LHFPL3: variants seen among roughly 807,000 people sequenced by gnomAD.
LHFPL3 encodes LHFPL tetraspan subfamily member 3.
A neutral mutation model predicts 19.3 loss-of-function variants in LHFPL3; 5 were observed. The observed-to-expected ratio is 0.26, with a 90% CI of 0.14 to 0.54. The LOEUF (loss-of-function observed/expected upper bound fraction) is 0.54. Ranked by LOEUF, LHFPL3 falls within the 20% of genes least tolerant of loss-of-function variation. LHFPL3 has a pLI of 0.94. For synonymous variants in LHFPL3, 133 were observed against 126.2 expected, an observed-to-expected ratio of 1.05 and a Z score of -0.36; for missense variants, 249 against 307.4, an observed-to-expected ratio of 0.81 and a Z score of 1.42.
intron 2 of LHFPL3, among the ~76,000 whole-genome samples, chr7:104,798,025 T>TC (rs139516175): frequency 1.3e-5 from 2 of 150,758 alleles, no homozygotes; most frequent in Non-Finnish European, 3.0e-5. Context: ...GGGGTGGCAG[T>TC]GGGGGGGGCG....
intron 1 of LHFPL3, among the ~76,000 whole-genome samples, chr7:104,439,745 T>C (rs142781114): frequency 6.6e-6 from 1 of 152,128 alleles, no homozygotes; most frequent in African/African-American, 2.4e-5. Flanking sequence ...TAATATTTAA[T>C]GGTAAAAAAC....
At chr7:104,753,456 T>G (rs950913627) in intron 2 of LHFPL3, among the ~76,000 whole-genome samples, 5 of 152,214 alleles carry the variant, frequency 3.3e-5, no homozygotes, top group Non-Finnish European at 7.3e-5. Flanking sequence ...AAAAATGTTT[T>G]GAAAATATTT....
chr7:104,561,927 C>G (rs1489656894), intron 1 of LHFPL3, among the ~76,000 whole-genome samples: 2 of 152,012 alleles, frequency 1.3e-5, no homozygotes, highest in Admixed American at 1.3e-4. Flanking sequence ...GATTTTATTT[C>G]TCCTTCACTT....
chr7:104,492,378 T>A (rs552101381), intron 1 of LHFPL3, among the ~76,000 whole-genome samples: 107 of 152,286 alleles, frequency 7.0e-4, no homozygotes, highest in African/African-American at 2.5e-3. Flanking sequence ...TACTAAGTAG[T>A]TTTAGGGAAA....
At chr7:104,667,493 T>C (rs1792379315) in intron 1 of LHFPL3, among the ~76,000 whole-genome samples, 1 of 152,206 alleles carries the variant, frequency 6.6e-6, no homozygotes, top group Admixed American at 6.6e-5. Context: ...GCCTATAATT[T>C]AGATTAGCTG....
At chr7:104,521,149 C>A (rs527960215) in intron 1 of LHFPL3, among the ~76,000 whole-genome samples, 578 of 151,530 alleles carry the variant, frequency 3.8e-3, no homozygotes, top group African/African-American at 0.013. Context: ...TATGTTGTGT[C>A]TTTGTTCTCG....
chr7:104,666,929 G>A (rs1184063237), intron 1 of LHFPL3, among the ~76,000 whole-genome samples: 1 of 152,026 alleles, frequency 6.6e-6, no homozygotes, highest in African/African-American at 2.4e-5. Context: ...CATATCTGCT[G>A]TTGTGAACAG....
intron 1 of LHFPL3, among the ~76,000 whole-genome samples, chr7:104,430,686 T>C (rs1791986020): frequency 6.6e-6 from 1 of 150,878 alleles, no homozygotes; most frequent in South Asian, 2.1e-4. Flanking sequence ...GCCAGGATGG[T>C]CTCAATCTCC....
chr7:104,479,377 C>T lies in LHFPL3; in HGVS notation c.445+150153C>T, dbSNP rs187971766. ...TACTGTGAGATGTTGGGGAGACATACAAGGTGCTTCTTCCACTTCTTTTTT... is the reference window on the plus strand; with the variant it reads ...TACTGTGAGATGTTGGGGAGACATATAAGGTGCTTCTTCCACTTCTTTTTT... On this transcript the variant is annotated intron_variant, in intron 1 of 2. Transcript: ENST00000424859. Among the ~76,000 whole-genome samples, 315 of 146,352 alleles carry T rather than the reference C, an allele frequency of 2.2e-3. 1 individual carries two copies. The highest frequency in any genetic ancestry group is 7.5e-3 in the African/African-American group (302 of 40,302).
chr7:104,897,828 T>G (rs564217123), intron 2 of LHFPL3, among the ~76,000 whole-genome samples: 2 of 152,176 alleles, frequency 1.3e-5, no homozygotes, highest in South Asian at 2.1e-4. Context: ...CACAGATATA[T>G]CAATATACTT....
intron 1 of LHFPL3, among the ~76,000 whole-genome samples, chr7:104,455,919 G>A (rs1286843906): frequency 6.6e-6 from 1 of 151,522 alleles, no homozygotes. Flanking sequence ...TATTTTAAGT[G>A]TTTACAATGG....
At chr7:104,587,306 T>A (rs529839475) in intron 1 of LHFPL3, among the ~76,000 whole-genome samples, 1 of 152,220 alleles carries the variant, frequency 6.6e-6, no homozygotes, top group African/African-American at 2.4e-5. Context: ...TGTGTGATGT[T>A]CCCCACCCTG....
intron 2 of LHFPL3, among the ~76,000 whole-genome samples, chr7:104,769,621 C>A (rs1377809089): frequency 1.3e-5 from 2 of 151,754 alleles, no homozygotes; most frequent in African/African-American, 4.9e-5. Context: ...CCCCCCAACC[C>A]CCGACAGGCC....
chr7:104,820,865 A>G (rs576152263), intron 2 of LHFPL3, among the ~76,000 whole-genome samples: 199 of 152,172 alleles, frequency 1.3e-3, no homozygotes, highest in Non-Finnish European at 2.5e-3. Context: ...AAACGCCAAC[A>G]CAGTTAACGC....
At chr7:104,807,825 G>A (rs539721030) in intron 2 of LHFPL3, among the ~76,000 whole-genome samples, 12 of 152,302 alleles carry the variant, frequency 7.9e-5, no homozygotes, top group African/African-American at 2.6e-4. Context: ...CTCACTGAAC[G>A]TCTAAAGCAC....
chr7:104,789,423 T>A (rs1789981177), intron 2 of LHFPL3, among the ~76,000 whole-genome samples: 1 of 152,122 alleles, frequency 6.6e-6, no homozygotes, highest in African/African-American at 2.4e-5. Context: ...AAGGGGTCAT[T>A]TTTAACTGGA....
At chr7:104,883,756 T>G (rs569059051) in intron 2 of LHFPL3, among the ~76,000 whole-genome samples, 1 of 152,288 alleles carries the variant, frequency 6.6e-6, no homozygotes, top group South Asian at 2.1e-4. Flanking sequence ...AGTGTGATAT[T>G]TTAAGAATCT....
At chr7:104,538,551 C>A (rs1476108828) in intron 1 of LHFPL3, among the ~76,000 whole-genome samples, 1 of 152,220 alleles carries the variant, frequency 6.6e-6, no homozygotes, top group African/African-American at 2.4e-5. Context: ...ATCCACTACA[C>A]AGGGCAGATG....
intron 2 of LHFPL3, chr7:104,743,994 C>A (rs1339799242): frequency 6.6e-6 from 1 of 151,788 alleles, no homozygotes; most frequent in Admixed American, 6.6e-5. Flanking sequence ...CACACCACCA[C>A]ACCCTGCAAA....
Sources: gnomAD v4.1 joint callset for allele counts (sites outside exome capture counted in the v4.1 genomes callset) on GRCh38, gnomAD v4.1.1 for gene constraint, MANE v1.5 for transcripts, NCBI Gene and HGNC (gene_info 2026-07-23, HGNC 2026-07-21) for gene names.